ATRNL1: variants seen among roughly 807,000 people sequenced by gnomAD.
ATRNL1 encodes the protein attractin like 1.
ATRNL1 carries 95 observed loss-of-function variants against 182.7 expected under a neutral mutation model. That is an observed-to-expected ratio of 0.52 (90% CI 0.44 to 0.62). The LOEUF (loss-of-function observed/expected upper bound fraction) is 0.62, where lower values mean the gene tolerates loss of function less well. Among genes scored for constraint, ATRNL1 ranks in the 20% least tolerant of loss-of-function variants. The pLI is 0.00. For missense variants in ATRNL1, 1,471 were observed against 1,679.5 expected, an observed-to-expected ratio of 0.88 and a Z score of 2.17; for synonymous variants, 576 against 568.3, an observed-to-expected ratio of 1.01 and a Z score of -0.19.
Position 115,147,893 on chromosome 10 carries a change from G to A in ATRNL1, c.830-12147G>A, listed in dbSNP as rs558540877. On this transcript the variant is annotated intron_variant, in intron 5 of 28. Coordinates refer to ENST00000355044, the MANE Select transcript of ATRNL1 (RefSeq NM_207303.4). ...GTAATATATTTTGAAGTCCAGTGGT[G>A]TGATACCTTCAGCCTTATTCTTTTT... Among the ~76,000 whole-genome samples, 7 of 152,238 alleles carry A rather than the reference G, an allele frequency of 4.6e-5. No homozygotes were observed. In the South Asian group the frequency reaches 1.4e-3, roughly 32 times the overall value.
intron 26 of ATRNL1, among the ~76,000 whole-genome samples, chr10:115,698,804 T>C (rs1946644475): frequency 6.7e-6 from 1 of 150,332 alleles, no homozygotes; most frequent in African/African-American, 2.4e-5. Flanking sequence ...GAAATGTGAG[T>C]AGACCAAAAA....
intron 26 of ATRNL1, among the ~76,000 whole-genome samples, chr10:115,570,851 G>T (rs1854345875): frequency 6.6e-6 from 1 of 152,176 alleles, no homozygotes; most frequent in Non-Finnish European, 1.5e-5. Context: ...GACACTGCTA[G>T]AGAGTGACCT....
intron 26 of ATRNL1, among the ~76,000 whole-genome samples, chr10:115,676,584 G>GTGTATATA (rs1362824635): frequency 6.7e-6 from 1 of 150,126 alleles, no homozygotes; most frequent in African/African-American, 2.4e-5. Context: ...ATCTGTATAT[G>GTGTATATA]TATATATATA....
At chr10:115,260,834 A>T (rs1851362565) in intron 10 of ATRNL1, among the ~76,000 whole-genome samples, 1 of 152,136 alleles carries the variant, frequency 6.6e-6, no homozygotes, top group Non-Finnish European at 1.5e-5. Flanking sequence ...AATAATGGAC[A>T]AATGGAAAAT....
At chr10:115,626,337 A>G (rs1349918614) in intron 26 of ATRNL1, among the ~76,000 whole-genome samples, 1 of 152,208 alleles carries the variant, frequency 6.6e-6, no homozygotes, top group Non-Finnish European at 1.5e-5. Context: ...TGGCCAAATC[A>G]ACATAGGTTC....
chr10:115,141,060 T>C (rs1406142455), intron 5 of ATRNL1, among the ~76,000 whole-genome samples: 1 of 152,154 alleles, frequency 6.6e-6, no homozygotes, highest in Non-Finnish European at 1.5e-5. Context: ...AATTATGTGC[T>C]TGTATGATTC....
intron 5 of ATRNL1, among the ~76,000 whole-genome samples, chr10:115,148,967 C>T (rs1846095312): frequency 1.3e-5 from 2 of 151,968 alleles, no homozygotes; most frequent in African/African-American, 4.8e-5. Flanking sequence ...ACCTCCTGAC[C>T]TCAGGTGATC....
Position 115,617,065 on chromosome 10 carries a change from C to G in ATRNL1, c.3795+67529C>G, listed in dbSNP as rs114191825. On this transcript the variant is annotated intron_variant, in intron 26 of 28. Transcript: ENST00000355044. ...CATGTGCTTGGAAAAGCCACAAACA[C>G]TCAACAGAAGTCCATGAGATCAATC... is the stretch of plus-strand genomic sequence containing the variant. Among the ~76,000 whole-genome samples the G allele has an allele frequency of 1.0e-2, 1,520 of 152,322 alleles. 17 individuals carry two copies. Among genetic ancestry groups the G allele is most frequent in the African/African-American group, 0.034 (1,397 of 41,572 alleles).
intron 19 of ATRNL1, among the ~76,000 whole-genome samples, chr10:115,359,214 T>C (rs537714011): frequency 1.3e-5 from 2 of 151,806 alleles, no homozygotes; most frequent in South Asian, 4.1e-4. Flanking sequence ...TGAACATCTT[T>C]ATGAGAGAAT....
intron 26 of ATRNL1, among the ~76,000 whole-genome samples, chr10:115,722,910 C>T (rs8181366): frequency 0.37 from 55,971 of 151,876 alleles, 11,069 homozygotes; most frequent in Admixed American, 0.54. Flanking sequence ...AATTCTAGAA[C>T]ATCAAAGGAC....
intron 28 of ATRNL1, among the ~76,000 whole-genome samples, chr10:115,940,830 T>G (rs970252508): frequency 6.6e-6 from 1 of 152,204 alleles, no homozygotes; most frequent in Non-Finnish European, 1.5e-5. Flanking sequence ...CAACTTCTGA[T>G]GTTTTTAAGG....
intron 27 of ATRNL1, among the ~76,000 whole-genome samples, chr10:115,738,154 T>TTTTTTTTTTTTTTTTTTTGTTTTTTTTTC (rs71010046): frequency 1.6e-5 from 1 of 63,870 alleles, no homozygotes; most frequent in Non-Finnish European, 3.3e-5. Flanking sequence ...TTTTTTTTTT[T>TTTTTTTTTTTTTTTTTTTGTTTTTTTTTC]TTGAGATGGA....
intron 28 of ATRNL1, among the ~76,000 whole-genome samples, chr10:115,928,989 C>T (rs1215513312): frequency 6.6e-6 from 1 of 151,920 alleles, no homozygotes; most frequent in Non-Finnish European, 1.5e-5. Context: ...TCACTGAATC[C>T]TTATGTTCTT....
chr10:115,456,599 A>G (rs586786), intron 21 of ATRNL1, among the ~76,000 whole-genome samples: 50,061 of 151,988 alleles, frequency 0.33, 8,699 homozygotes, highest in African/African-American at 0.43. Flanking sequence ...AAACCTGCAC[A>G]TTCTGTACAT....
intron 28 of ATRNL1, among the ~76,000 whole-genome samples, chr10:115,936,922 C>T (rs1555122997): frequency 6.6e-6 from 1 of 152,198 alleles, no homozygotes; most frequent in Middle Eastern, 3.4e-3. Context: ...AAGGTAGCTG[C>T]AAGTCTGATT....
At chr10:115,567,371 A>C (rs1854129712) in intron 26 of ATRNL1, among the ~76,000 whole-genome samples, 2 of 152,124 alleles carry the variant, frequency 1.3e-5, no homozygotes, top group Admixed American at 1.3e-4. Flanking sequence ...GTATTGGGAT[A>C]AGTTTTTCTA....
intron 27 of ATRNL1, among the ~76,000 whole-genome samples, chr10:115,784,673 G>C (rs1949352856): frequency 6.6e-6 from 1 of 152,156 alleles, no homozygotes; most frequent in African/African-American, 2.4e-5. Context: ...GTTGGTGGTT[G>C]CTGGGCATCC....
chr10:115,379,391 C>T (rs1857859188), intron 19 of ATRNL1, among the ~76,000 whole-genome samples: 1 of 152,160 alleles, frequency 6.6e-6, no homozygotes, highest in South Asian at 2.1e-4. Context: ...CAAGGGAATT[C>T]TCTCACAATG....
At chr10:115,206,846 C>G (rs1369898834) in intron 8 of ATRNL1, among the ~76,000 whole-genome samples, 2 of 152,102 alleles carry the variant, frequency 1.3e-5, no homozygotes, top group Admixed American at 6.6e-5. Flanking sequence ...AGCCCCTCAC[C>G]TGCCGACAGG....
Sources: gnomAD v4.1 joint callset for allele counts (sites outside exome capture counted in the v4.1 genomes callset) on GRCh38, gnomAD v4.1.1 for gene constraint, MANE v1.5 for transcripts, NCBI Gene and HGNC (gene_info 2026-07-23, HGNC 2026-07-21) for gene names.